The following OR2C3 variants were observed in gnomAD, a reference collection of about 807,000 sequenced individuals.
OR2C3 encodes olfactory receptor family 2 subfamily C member 3.
For missense variants in OR2C3, 425 were observed against 401.5 expected (o/e 1.06, Z -0.50); for synonymous variants, 178 against 163.4 (o/e 1.09, Z -0.68).
intron 1 of OR2C3, among the ~76,000 whole-genome samples, chr1:247,535,416 T>C (rs1484205287): frequency 6.6e-6 from 1 of 152,132 alleles, no homozygotes; most frequent in Non-Finnish European, 1.5e-5. Context: ...TGAACTGGGA[T>C]TGGGAGAGTT....
rs57236564 is a variant in OR2C3 at position 247,529,718 on chromosome 1, GTTTTTTTTTTTTTTT to G, written c.*1816_*1830del. The G allele has an allele frequency of 3.7e-5, 4 of 108,308 alleles. No individual in the cohort carries two copies. The highest frequency in any genetic ancestry group is 1.1e-4 in the African/African-American group (3 of 27,446). The allele number at this position is 108,308 out of a possible 1,614,324, so 6.7% of individuals were successfully genotyped here. A position where few individuals can be genotyped will look rare whatever the true frequency, so the allele number is the denominator to read the frequency against. ...CAAGCCTCGGTGTTACTGTGAAGGT[GTTTTTTTTTTTTTTT>G]TTTTTTTTTTTTGATGCGATTAACA... is the stretch of plus-strand genomic sequence containing the variant. On this transcript the variant is annotated 3_prime_UTR_variant, in exon 3 of 3. Transcript: ENST00000641802.
Position 247,530,001 on chromosome 1 carries a change from A to G in OR2C3, c.*1548T>C, listed in dbSNP as rs767914699. On this transcript the variant is annotated 3_prime_UTR_variant, in exon 3 of 3. Transcript: ENST00000641802. ...TGTGTGAGCCTATTTCTTAACTCTCAATCTCTCTCACTCTTTTTTCTCTCT... is the reference window on the plus strand; with the variant it reads ...TGTGTGAGCCTATTTCTTAACTCTCGATCTCTCTCACTCTTTTTTCTCTCT... 4 of 150,978 alleles carry G rather than the reference A, an allele frequency of 2.6e-5. No individual in the cohort carries two copies. Among genetic ancestry groups the G allele is most frequent in the Non-Finnish European group, 4.4e-5 (3 of 67,828 alleles). The allele number at this position is 150,978 out of a possible 1,614,324, so 9.4% of individuals were successfully genotyped here. A position where few individuals can be genotyped will look rare whatever the true frequency, so the allele number is the denominator to read the frequency against.
Position 247,529,187 on chromosome 1 carries a change from G to C in OR2C3, c.*2362C>G, listed in dbSNP as rs1573250. 0.95 allele frequency: 144,375 copies of C among 152,270 alleles called. 68,912 individuals are homozygous for C. The highest frequency in any genetic ancestry group is 1 in the East Asian group (5,172 of 5,172). The allele number at this position is 152,270 out of a possible 1,614,324, so 9.4% of individuals were successfully genotyped here. ...GTCTTTATAGGGACAGAATAATATT[G>C]TGGGGACAGTTTTGTCTTCCATGCC... On this transcript the variant is annotated 3_prime_UTR_variant, in exon 3 of 3. Transcript: ENST00000641802.
rs1023000371 is a variant in OR2C3 at position 247,528,653 on chromosome 1, A to C, written c.*2896T>G. ...GAGGAAGGGAAACTTCCCAGTGGTC[A>C]AACTACAGGCAGTTTAGCTGGTTGT... is the stretch of plus-strand genomic sequence containing the variant. On this transcript the variant is annotated 3_prime_UTR_variant, in exon 3 of 3. Coordinates refer to ENST00000641802, the MANE Select transcript of OR2C3 (RefSeq NM_198074.6). 2 of 152,250 alleles carry C rather than the reference A, an allele frequency of 1.3e-5. No homozygotes were observed. Among genetic ancestry groups the C allele is most frequent in the Non-Finnish European group, 2.9e-5 (2 of 68,038 alleles). The allele number at this position is 152,250 out of a possible 1,614,324, so 9.4% of individuals were successfully genotyped here.
At chr1:247,535,090 A>G (rs1030947195) in intron 1 of OR2C3, among the ~76,000 whole-genome samples, 4 of 152,136 alleles carry the variant, frequency 2.6e-5, no homozygotes, top group Non-Finnish European at 5.9e-5. Context: ...AGTGGGGGGA[A>G]TCACTTGAGC....
In OR2C3 at chr1:247,527,512, T is replaced by C. The variant is rs1051502512; in HGVS notation, c.*4037A>G. 7.9e-5 allele frequency: 12 copies of C among 152,342 alleles called. No individual in the cohort carries two copies. Among genetic ancestry groups the C allele is most frequent in the African/African-American group, 2.7e-4 (11 of 41,430 alleles). 9.4% of individuals were successfully genotyped at this position (152,342 alleles called of 1,614,324 possible). A position where few individuals can be genotyped will look rare whatever the true frequency, so the allele number is the denominator to read the frequency against. On this transcript the variant is annotated 3_prime_UTR_variant, in exon 3 of 3. Coordinates refer to ENST00000641802, the MANE Select transcript of OR2C3 (RefSeq NM_198074.6). The surrounding 1 kb of genome is among the most constrained non-coding windows in gnomAD (Gnocchi z 4.6). Reference sequence around the variant, plus strand: ...TTACAGTGCATCCAAACTCCAGAGATTTTTAATTAGTCTTTTCAAGAGGTT... The same window carrying C: ...TTACAGTGCATCCAAACTCCAGAGACTTTTAATTAGTCTTTTCAAGAGGTT...
rs756844910 is a variant in OR2C3, at chr1:247,531,903, G to C, written c.609C>G (p.Ala203=). ...GAGGCAGGACAACAAAGACAAAGCT[G>C]GCCAGGTACATCTCCATCTCATTGA... is the stretch of plus-strand genomic sequence containing the variant. ...TSLNEMEMYL[A]SFVFVVLPLG... is the part of the protein sequence containing the mutation. The change falls in exon 3 of 3, where the codon GCC becomes GCG. Residue 203 remains alanine (A), a synonymous_variant. Transcript: ENST00000641802. 7 of 1,614,060 alleles carry C rather than the reference G, an allele frequency of 4.3e-6. No homozygotes were observed. In the South Asian group the frequency reaches 6.6e-5, roughly 15 times the overall value.
rs748369614 is a variant in OR2C3 at position 247,526,917 on chromosome 1, G to C, written c.*4632C>G. ...GATGGGACTTCCCTCTATTTAGAAAGGTCTTCTTTCACTTTCTTTCAGGAT... is the reference window on the plus strand; with the variant it reads ...GATGGGACTTCCCTCTATTTAGAAACGTCTTCTTTCACTTTCTTTCAGGAT... On this transcript the variant is annotated 3_prime_UTR_variant, in exon 3 of 3. Coordinates refer to ENST00000641802, the MANE Select transcript of OR2C3 (RefSeq NM_198074.6). The surrounding 1 kb of genome is among the most constrained non-coding windows in gnomAD (Gnocchi z 4.8). The C allele has an allele frequency of 1.3e-5, 6 of 455,032 alleles. No individual in the cohort carries two copies. Among genetic ancestry groups the C allele is most frequent in the South Asian group, 9.4e-5 (6 of 64,024 alleles). 28.2% of individuals were successfully genotyped at this position (455,032 alleles called of 1,614,324 possible). A position where few individuals can be genotyped will look rare whatever the true frequency, so the allele number is the denominator to read the frequency against.
rs1666666015 is a variant in OR2C3, at chr1:247,525,953, T to C, written c.*5596A>G. The C allele has an allele frequency of 6.6e-6, 1 of 152,242 alleles. No individual in the cohort carries two copies. Among genetic ancestry groups the C allele is most frequent in the South Asian group, 2.1e-4 (1 of 4,834 alleles). The allele number at this position is 152,242 out of a possible 1,614,324, so 9.4% of individuals were successfully genotyped here. On this transcript the variant is annotated 3_prime_UTR_variant, in exon 3 of 3. Coordinates refer to ENST00000641802, the MANE Select transcript of OR2C3 (RefSeq NM_198074.6). ...GGAAACCTGTTGAAGACCAAATATA[T>C]GCTTCAGAGTATATACATGTGAATA...
Position 247,527,065 on chromosome 1 carries a change from C to T in OR2C3, c.*4484G>A, listed in dbSNP as rs1388896994. ...GGATGCCAATCTGAGGTACAAATCA[C>T]ATTTCAAGTGTATTTCCTTGGGTTC... On this transcript the variant is annotated 3_prime_UTR_variant, in exon 3 of 3. Transcript: ENST00000641802. This position sits in a 1 kb window ranked among gnomAD's most constrained non-coding sequence, Gnocchi z 4.6. 1 of 456,676 alleles carries T rather than the reference C, an allele frequency of 2.2e-6. No homozygotes were observed. The highest frequency in any genetic ancestry group is 2.3e-5 in the Admixed American group (1 of 42,572). The allele number at this position is 456,676 out of a possible 1,614,324, so 28.3% of individuals were successfully genotyped here. A position where few individuals can be genotyped will look rare whatever the true frequency, so the allele number is the denominator to read the frequency against.
rs1043043927 is a variant in OR2C3 at position 247,525,166 on chromosome 1, A to G, written c.*6383T>C. ...AAAAACAAACTAAAGCGCTTTTTCT[A>G]TTCTCTCACTCAACAATCAACACAG... On this transcript the variant is annotated 3_prime_UTR_variant, in exon 3 of 3. Coordinates refer to ENST00000641802, the MANE Select transcript of OR2C3 (RefSeq NM_198074.6). The G allele has an allele frequency of 6.6e-6, 1 of 152,206 alleles. No homozygotes were observed. Among genetic ancestry groups the G allele is most frequent in the East Asian group, 1.9e-4 (1 of 5,200 alleles). 9.4% of individuals were successfully genotyped at this position (152,206 alleles called of 1,614,324 possible).
intron 1 of OR2C3, among the ~76,000 whole-genome samples, chr1:247,534,957 C>T (rs563395364): frequency 6.6e-6 from 1 of 152,134 alleles, no homozygotes; most frequent in South Asian, 2.1e-4. Flanking sequence ...TATAGTAGGC[C>T]AGGGAAGCAT....
At chr1:247,533,164 A>T (rs553704957) in intron 2 of OR2C3, among the ~76,000 whole-genome samples, 225 of 152,160 alleles carry the variant, frequency 1.5e-3, no homozygotes, top group African/African-American at 5.2e-3. Context: ...CCATCTTGCC[A>T]TCATTTATCA....
At position 247,531,590 on chromosome 1, in the gene OR2C3, C is replaced by A; in HGVS notation, c.922G>T (p.Glu308Ter). ...TTGCCTGCAGAGCCACAGCAGTTCT[C>A]TAATACCATGTGCCGGAGGGCGCTC... ...VKSALRHMVL[E>*]NCCGSAGKLA... Residue 308 changes from glutamate (E) to a stop codon, truncating the protein, a stop_gained, in exon 3 of 3, where the codon GAG becomes TAG. Transcript: ENST00000641802. LOFTEE classifies it low-confidence loss of function (END_TRUNC). 8.7e-6 allele frequency: 14 copies of A among 1,614,184 alleles called. No individual in the cohort carries two copies. Among genetic ancestry groups the A allele is most frequent in the Admixed American group, 1.7e-5 (1 of 60,028 alleles).
chr1:247,532,562 T>C, intron 2 of OR2C3, 22 bp from the exon 3 acceptor site: 2 of 1,564,806 alleles, frequency 1.3e-6, no homozygotes, highest in Non-Finnish European at 1.7e-6. Context: ...GCACAGGGCA[T>C]ACAGGGCATG....
rs369782347 is a variant in OR2C3 at position 247,531,986 on chromosome 1, C to G, written c.526G>C (p.Asp176His). 3 of 1,613,938 alleles carry G rather than the reference C, an allele frequency of 1.9e-6. No individual in the cohort carries two copies. The highest frequency in any genetic ancestry group is 2.5e-6 in the Non-Finnish European group (3 of 1,180,016). ...AGGGGCATCTCGCAAAAGAAGTGGT[C>G]GATGCAATTGTTCCCACACAGCGGT... Reference protein sequence around the residue: ...LLPLCGNNCIDHFFCEMPLIM... With the variant: ...LLPLCGNNCIHHFFCEMPLIM... The change falls in exon 3 of 3, where the codon GAC (aspartate) becomes CAC (histidine). Residue 176 changes from aspartate to histidine, a missense_variant. Physicochemically the swap from Asp to His is moderately conservative, Grantham distance 81. Coordinates refer to ENST00000641802, the MANE Select transcript of OR2C3 (RefSeq NM_198074.6).
Position 247,531,972 on chromosome 1 carries a change from GC to G in OR2C3, c.539del (p.Cys180SerfsTer48). 6.2e-7 allele frequency: 1 copy of G among 1,614,076 alleles called. No individual in the cohort carries two copies. Among genetic ancestry groups the G allele is most frequent in the Non-Finnish European group, 8.5e-7 (1 of 1,179,984 alleles). On this transcript the variant is annotated frameshift_variant, in exon 3 of 3. Transcript: ENST00000641802. LOFTEE classifies it low-confidence loss of function (END_TRUNC). ...CGNNCIDHFF[C>X]EMPLIMQLAC... ...CCAGTTGCATAATGAGGGGCATCTCGCAAAAGAAGTGGTCGATGCAATTGTT... is the reference window on the plus strand; with the variant it reads ...CCAGTTGCATAATGAGGGGCATCTCGAAAAGAAGTGGTCGATGCAATTGTT...
rs1449934572 is a variant in OR2C3 at position 247,525,752 on chromosome 1, T to C, written c.*5797A>G. 6.6e-6 allele frequency: 1 copy of C among 152,198 alleles called. No individual in the cohort carries two copies. Among genetic ancestry groups the C allele is most frequent in the Non-Finnish European group, 1.5e-5 (1 of 68,058 alleles). 9.4% of individuals were successfully genotyped at this position (152,198 alleles called of 1,614,324 possible). On this transcript the variant is annotated 3_prime_UTR_variant, in exon 3 of 3. Transcript: ENST00000641802. ...GTTCTGCTTAACATTCATCCCTTCT[T>C]CCCTCCATGGAGGTTGGGGGCTGGG... is the stretch of plus-strand genomic sequence containing the variant.
Position 247,527,237 on chromosome 1 carries a change from G to A in OR2C3, c.*4312C>T. On this transcript the variant is annotated 3_prime_UTR_variant, in exon 3 of 3. Transcript: ENST00000641802. The surrounding 1 kb of genome is among the most constrained non-coding windows in gnomAD (Gnocchi z 4.6). The stretch of plus-strand genomic sequence containing the variant: ...CTGTGCCAAACAGGGGCTGATGGAT[G>A]GTCAGGGCAAAGCACAGTGCTGTCC... 2 of 378,518 alleles carry A rather than the reference G, an allele frequency of 5.3e-6. No individual in the cohort carries two copies. Among genetic ancestry groups the A allele is most frequent in the Non-Finnish European group, 1.0e-5 (2 of 191,940 alleles). 23.4% of individuals were successfully genotyped at this position (378,518 alleles called of 1,614,324 possible). A position where few individuals can be genotyped will look rare whatever the true frequency, so the allele number is the denominator to read the frequency against.
Sources: allele counts gnomAD v4.1 joint callset (sites outside exome capture counted in the v4.1 genomes callset), GRCh38; gene constraint gnomAD v4.1.1; non-coding constraint Gnocchi (gnomAD v3.1); transcripts MANE v1.5; gene names NCBI Gene and HGNC (gene_info 2026-07-23, HGNC 2026-07-21).